PDE3A: variants seen among roughly 807,000 people sequenced by gnomAD.
PDE3A encodes cGMP-inhibited 3',5'-cyclic phosphodiesterase 3A.
Under a neutral mutation model 98.3 loss-of-function variants are expected in PDE3A, and 43 were observed. The ratio of observed to expected loss-of-function variants is 0.44; its 90% CI spans 0.34 to 0.56. PDE3A has a LOEUF of 0.56. Ranked by LOEUF, PDE3A falls within the 20% of genes least tolerant of loss-of-function variation. The pLI is 0.01. For synonymous variants in PDE3A, 663 were observed against 567.9 expected, an observed-to-expected ratio of 1.17 and a Z score of -2.38; for missense variants, 1,427 against 1,440.7, an observed-to-expected ratio of 0.99 and a Z score of 0.15.
At chr12:20,401,891 A>G (rs1944138968) in intron 1 of PDE3A, among the ~76,000 whole-genome samples, 1 of 152,226 alleles carries the variant, frequency 6.6e-6, no homozygotes, top group Non-Finnish European at 1.5e-5. Context: ...AGGCAATGAG[A>G]TATCATCATA....
intron 1 of PDE3A, among the ~76,000 whole-genome samples, chr12:20,457,261 TTATTC>T (rs1945169207): frequency 6.6e-6 from 1 of 151,126 alleles, no homozygotes; most frequent in African/African-American, 2.4e-5. Flanking sequence ...CTATTATATA[TTATTC>T]TATTCTAAAT....
intron 1 of PDE3A, among the ~76,000 whole-genome samples, chr12:20,380,657 T>C (rs1943647965): frequency 1.3e-5 from 2 of 151,716 alleles, no homozygotes; most frequent in African/African-American, 4.8e-5. Flanking sequence ...ATTTCGAACC[T>C]TATGGTGTCA....
intron 2 of PDE3A, among the ~76,000 whole-genome samples, chr12:20,565,423 G>A (rs1592062405): frequency 6.6e-6 from 1 of 151,892 alleles, no homozygotes; most frequent in East Asian, 1.9e-4. Context: ...TTCTGTGGGT[G>A]GATTTTTGAT....
intron 1 of PDE3A, chr12:20,371,472 T>C (rs1419560127): frequency 1.0e-6 from 1 of 979,958 alleles, no homozygotes; most frequent in Non-Finnish European, 1.2e-6. Flanking sequence ...TATCCTAAGA[T>C]AAAGTAAGCT....
intron 10 of PDE3A, among the ~76,000 whole-genome samples, chr12:20,640,306 C>A (rs1023985728): frequency 3.3e-5 from 5 of 151,996 alleles, no homozygotes; most frequent in Admixed American, 3.3e-4. Flanking sequence ...GACATAAGTC[C>A]ACTTTAATAT....
At chr12:20,415,884 T>C (rs1944414240) in intron 1 of PDE3A, among the ~76,000 whole-genome samples, 2 of 152,134 alleles carry the variant, frequency 1.3e-5, no homozygotes, top group African/African-American at 4.8e-5. Flanking sequence ...TAGACAGAAA[T>C]GGGATTCAGT....
At chr12:20,598,459 G>A (rs1345287570) in intron 2 of PDE3A, among the ~76,000 whole-genome samples, 2 of 152,088 alleles carry the variant, frequency 1.3e-5, no homozygotes, top group Admixed American at 1.3e-4. Flanking sequence ...GATTACAGGC[G>A]TGAGCTACCA....
chr12:20,644,689 G>T (rs1041651076), intron 10 of PDE3A, among the ~76,000 whole-genome samples: 1 of 152,058 alleles, frequency 6.6e-6, no homozygotes, highest in Non-Finnish European at 1.5e-5. Context: ...TATACTCAGG[G>T]ATATAGATGT....
At chr12:20,408,701 T>C (rs1250987445) in intron 1 of PDE3A, among the ~76,000 whole-genome samples, 1 of 152,228 alleles carries the variant, frequency 6.6e-6, no homozygotes, top group Non-Finnish European at 1.5e-5. Flanking sequence ...ACAAACAAGT[T>C]TTAAAGGAAA....
At chr12:20,514,308 GTAT>G (rs1300153340) in intron 1 of PDE3A, among the ~76,000 whole-genome samples, 8 of 142,536 alleles carry the variant, frequency 5.6e-5, no homozygotes, top group African/African-American at 7.7e-5. Context: ...GGGAAATAAG[GTAT>G]TTTGAAAGGA....
intron 1 of PDE3A, among the ~76,000 whole-genome samples, chr12:20,372,836 T>C (rs1029478631): frequency 7.9e-5 from 12 of 152,176 alleles, no homozygotes; most frequent in African/African-American, 2.4e-4. Context: ...GTCAGAGTCC[T>C]CTTGAGAATT....
intron 10 of PDE3A, among the ~76,000 whole-genome samples, chr12:20,640,542 G>C (rs73236383): frequency 0.011 from 1,658 of 151,990 alleles, 38 homozygotes; most frequent in African/African-American, 0.038. Context: ...AAAATGATAA[G>C]AAACACTTAA....
At chr12:20,541,429 C>T (rs1218493890) in intron 1 of PDE3A, among the ~76,000 whole-genome samples, 2 of 151,712 alleles carry the variant, frequency 1.3e-5, no homozygotes, top group African/African-American at 4.8e-5. Context: ...TTTTTGCCTT[C>T]AATCAAGGAT....
chr12:20,480,616 T>C (rs73073131), intron 1 of PDE3A, among the ~76,000 whole-genome samples: 1,761 of 152,336 alleles, frequency 0.012, 15 homozygotes, highest in Non-Finnish European at 0.018. Flanking sequence ...CCTTAACTTA[T>C]TGACTGTTTT....
intron 2 of PDE3A, among the ~76,000 whole-genome samples, chr12:20,578,782 A>G (rs568557510): frequency 6.6e-6 from 1 of 152,222 alleles, no homozygotes; most frequent in South Asian, 2.1e-4. Context: ...ATTATCTTCT[A>G]TGATCACCTA....
intron 1 of PDE3A, among the ~76,000 whole-genome samples, chr12:20,542,695 T>G (rs575393870): frequency 1.3e-5 from 2 of 152,110 alleles, no homozygotes; most frequent in African/African-American, 4.8e-5. Context: ...GAGTTAAAGC[T>G]TTTGATGCAG....
intron 2 of PDE3A, among the ~76,000 whole-genome samples, chr12:20,596,944 A>T (rs1383661536): frequency 6.6e-6 from 1 of 152,200 alleles, no homozygotes; most frequent in Non-Finnish European, 1.5e-5. Flanking sequence ...ATGACTGTAC[A>T]TAGGAACGGT....
Position 20,552,212 on chromosome 12 carries a change from G to C in PDE3A, c.961-4448G>C. 3 of 1,613,930 alleles carry C rather than the reference G, an allele frequency of 1.9e-6. No homozygotes were observed. The highest frequency in any genetic ancestry group is 1.1e-5 in the South Asian group (1 of 91,084). ...GAAGGGGCCGAGGCCAAGGACTGGC[G>C]GTCGGGGAAGCCGGTCAGGGTGGTG... On this transcript the variant is annotated intron_variant, in intron 1 of 15. Coordinates refer to ENST00000359062, the MANE Select transcript of PDE3A (RefSeq NM_000921.5). The surrounding 1 kb of genome is among the most constrained non-coding windows in gnomAD (Gnocchi z 5.1).
intron 1 of PDE3A, among the ~76,000 whole-genome samples, chr12:20,460,861 C>A (rs956044366): frequency 1.3e-5 from 2 of 152,124 alleles, no homozygotes; most frequent in Non-Finnish European, 2.9e-5. Context: ...TTCACATAAG[C>A]AAACACTAGC....
Sources: allele counts gnomAD v4.1 joint callset (sites outside exome capture counted in the v4.1 genomes callset), GRCh38; gene constraint gnomAD v4.1.1; non-coding constraint Gnocchi (gnomAD v3.1); transcripts MANE v1.5; gene names NCBI Gene and HGNC (gene_info 2026-07-23, HGNC 2026-07-21).